TAF4B: variants seen among roughly 807,000 people sequenced by gnomAD.
TAF4B encodes TATA-box binding protein associated factor 4b.
Under a neutral mutation model 86.4 loss-of-function variants are expected in TAF4B, and 38 were observed. The ratio of observed to expected loss-of-function variants is 0.44; its 90% CI spans 0.34 to 0.58. The LOEUF (loss-of-function observed/expected upper bound fraction) is 0.58. Ranked by LOEUF, TAF4B falls within the 20% of genes least tolerant of loss-of-function variation. The pLI, the probability that TAF4B is intolerant of heterozygous loss-of-function variation, is 0.02. For synonymous variants in TAF4B, 388 were observed against 391.2 expected, an observed-to-expected ratio of 0.99 and a Z score of 0.10; for missense variants, 988 against 1,027.6, an observed-to-expected ratio of 0.96 and a Z score of 0.53.
chr18:26,271,921 C>T (rs1387507629), intron 3 of TAF4B, among the ~76,000 whole-genome samples: 10 of 136,918 alleles, frequency 7.3e-5, no homozygotes, highest in African/African-American at 2.4e-4. Context: ...AGCCAGACTC[C>T]GTCTCAAAAA....
At chr18:26,338,470 ATTTTTTT>A (rs764826705) in intron 13 of TAF4B, among the ~76,000 whole-genome samples, 6 of 71,188 alleles carry the variant, frequency 8.4e-5, no homozygotes, top group Admixed American at 1.9e-4. Flanking sequence ...AAGAACTAGA[ATTTTTTT>A]TTTTTTTTTT....
At chr18:26,322,234 AC>A (rs997226465) in intron 11 of TAF4B, among the ~76,000 whole-genome samples, 3 of 152,126 alleles carry the variant, frequency 2.0e-5, no homozygotes, top group African/African-American at 7.2e-5. Context: ...GTCAGCTACT[AC>A]ACCACCAGTA....
Position 26,315,022 on chromosome 18 carries a change from C to G in TAF4B, c.1833-207C>G, listed in dbSNP as rs1032062127. Among the ~76,000 whole-genome samples, 6 of 151,326 alleles carry G rather than the reference C, an allele frequency of 4.0e-5. No homozygotes were observed. The Admixed American group carries it at 4.0e-4, about 10-fold the overall frequency. On this transcript the variant is annotated intron_variant, in intron 9 of 14. Coordinates refer to ENST00000269142, the MANE Select transcript of TAF4B (RefSeq NM_005640.3). ...GGAAAGGTAGCCATTCTTCACTTCT[C>G]TTGATTGGATGAATTAAGTAAAATA... is the stretch of plus-strand genomic sequence containing the variant.
intron 11 of TAF4B, among the ~76,000 whole-genome samples, chr18:26,324,329 C>T (rs2056987023): frequency 6.6e-6 from 1 of 152,150 alleles, no homozygotes; most frequent in Admixed American, 6.5e-5. Flanking sequence ...CCAGGCTGGT[C>T]TCAAACTCCT....
intron 13 of TAF4B, among the ~76,000 whole-genome samples, chr18:26,342,510 G>A (rs1259522027): frequency 6.6e-6 from 1 of 152,074 alleles, no homozygotes; most frequent in Non-Finnish European, 1.5e-5. Flanking sequence ...TGAAAATTAT[G>A]TGCTTAGCAT....
intron 9 of TAF4B, among the ~76,000 whole-genome samples, chr18:26,308,879 C>CAA (rs71169847): frequency 0.089 from 7,058 of 79,734 alleles, 518 homozygotes; most frequent in Middle Eastern, 0.13. Context: ...GACTCTGTCT[C>CAA]AAAAAAAAAA....
At chr18:26,296,717 C>A (rs992637090) in intron 9 of TAF4B, among the ~76,000 whole-genome samples, 2 of 152,160 alleles carry the variant, frequency 1.3e-5, no homozygotes, top group African/African-American at 4.8e-5. Flanking sequence ...GCACTCCTTA[C>A]CAGCCAGTCC....
At chr18:26,299,584 T>TTA (rs1224235693) in intron 9 of TAF4B, among the ~76,000 whole-genome samples, 1 of 152,200 alleles carries the variant, frequency 6.6e-6, no homozygotes, top group African/African-American at 2.4e-5. Flanking sequence ...TTTAAGCTTT[T>TTA]GTGTAGAATT....
At chr18:26,361,783 C>A (rs1471349398) in intron 14 of TAF4B, among the ~76,000 whole-genome samples, 3 of 148,836 alleles carry the variant, frequency 2.0e-5, no homozygotes, top group Non-Finnish European at 4.5e-5. Context: ...AAAATTAGTT[C>A]AGCATAGAAT....
rs1220088572 is a variant in TAF4B, at chr18:26,265,234, A to G, written c.408A>G (p.Thr136=). Reference sequence around the variant, plus strand: ...TGGTATCTCCTCAGCAAACTGTAACAAGAGCCGAGACCACAAGTAACATAA... The same window carrying G: ...TGGTATCTCCTCAGCAAACTGTAACGAGAGCCGAGACCACAAGTAACATAA... ...LMLVSPQQTV[T]RAETTSNITS... is the part of the protein sequence containing the mutation. Residue 136 remains threonine (T), a synonymous_variant, in exon 2 of 15, where the codon ACA becomes ACG. Transcript: ENST00000269142. 1.9e-6 allele frequency: 3 copies of G among 1,614,172 alleles called. No homozygotes were observed. The highest frequency in any genetic ancestry group is 2.5e-6 in the Non-Finnish European group (3 of 1,180,038).
chr18:26,233,809 A>C (rs1032096583), intron 1 of TAF4B, among the ~76,000 whole-genome samples: 1 of 152,182 alleles, frequency 6.6e-6, no homozygotes, highest in Non-Finnish European at 1.5e-5. Flanking sequence ...ACTTAGGCAT[A>C]TGGGTGAAGT....
At chr18:26,315,510 A>T (rs941874044) in intron 10 of TAF4B, 112 bp downstream of exon 10, 7 of 658,604 alleles carry the variant, frequency 1.1e-5, no homozygotes, top group Non-Finnish European at 1.6e-5. Context: ...CTTAAATAAG[A>T]TTCTAGAAAT....
intron 11 of TAF4B, among the ~76,000 whole-genome samples, chr18:26,324,890 G>A (rs1272492352): frequency 1.3e-5 from 2 of 152,198 alleles, no homozygotes; most frequent in Non-Finnish European, 2.9e-5. Flanking sequence ...TAATCTTTAT[G>A]TCACAGCTTT....
At chr18:26,305,821 A>G (rs879286591) in intron 9 of TAF4B, among the ~76,000 whole-genome samples, 5 of 152,068 alleles carry the variant, frequency 3.3e-5, no homozygotes, top group Non-Finnish European at 5.9e-5. Flanking sequence ...TCTCTCGTGC[A>G]TGAATTTTAG....
At chr18:26,339,336 T>A (rs1364863738) in intron 13 of TAF4B, among the ~76,000 whole-genome samples, 1 of 152,146 alleles carries the variant, frequency 6.6e-6, no homozygotes, top group African/African-American at 2.4e-5. Context: ...TTTTTTTGTT[T>A]TTGTTTTTGA....
chr18:26,345,423 A>G (rs547044916), intron 13 of TAF4B, among the ~76,000 whole-genome samples: 1 of 152,334 alleles, frequency 6.6e-6, no homozygotes, highest in African/African-American at 2.4e-5. Flanking sequence ...CCTGCCAAGA[A>G]TAAGAGCCCT....
intron 1 of TAF4B, chr18:26,256,393 G>A (rs1488384260): frequency 1.3e-5 from 16 of 1,203,362 alleles, no homozygotes; most frequent in South Asian, 3.6e-5. Context: ...AAAAGCAGCC[G>A]TTCCACGCGC....
chr18:26,320,355 A>G (rs2056951697), intron 10 of TAF4B, among the ~76,000 whole-genome samples: 2 of 152,224 alleles, frequency 1.3e-5, no homozygotes, highest in Admixed American at 6.5e-5. Context: ...TGATTTATAA[A>G]TGAACTTCTG....
intron 5 of TAF4B, among the ~76,000 whole-genome samples, chr18:26,277,981 C>A (rs1257159379): frequency 2.0e-5 from 3 of 152,166 alleles, no homozygotes; most frequent in Admixed American, 6.6e-5. Context: ...TCATTAGCAA[C>A]AAATGCTATC....
Sources: gnomAD v4.1 joint callset for allele counts (sites outside exome capture counted in the v4.1 genomes callset) on GRCh38, gnomAD v4.1.1 for gene constraint, MANE v1.5 for transcripts, NCBI Gene and HGNC (gene_info 2026-07-23, HGNC 2026-07-21) for gene names.